Variants in SEPTIN6 observed in about 807,000 individuals in gnomAD.
SEPTIN6 encodes the protein septin 6.
Under a neutral mutation model 33.6 loss-of-function variants are expected in SEPTIN6, and 8 were observed. The ratio of observed to expected loss-of-function variants is 0.24; its 90% CI spans 0.14 to 0.43. SEPTIN6 has a LOEUF of 0.43. Among genes scored for constraint, SEPTIN6 ranks in the 20% least tolerant of loss-of-function variants. SEPTIN6 has a pLI of 1.00. For synonymous variants in SEPTIN6, 131 were observed against 140.0 expected (o/e 0.94, Z 0.45); for missense variants, 250 against 340.8 (o/e 0.73, Z 2.10).
At chrX:119,629,927 C>A (rs1450686792) in intron 8 of SEPTIN6, among the ~76,000 whole-genome samples, 1 of 111,340 alleles carries the variant, frequency 9.0e-6, no homozygotes, top group Non-Finnish European at 1.9e-5. Flanking sequence ...CGACACCAGC[C>A]TGGCCAACAT....
chrX:119,640,742 A>G lies in SEPTIN6; in HGVS notation c.737T>C (p.Ile246Thr), dbSNP rs776067307. The G allele has an allele frequency of 8.3e-7, 1 of 1,211,349 alleles. No individual in the cohort carries two copies. The highest frequency in any genetic ancestry group is 1.8e-5 in the South Asian group (1 of 56,968). ...CCGCGCCCTCATCATCTTGTTGCCT[A>G]TCTTCAGTTCTTCTGTGCTGCCAAT... ...AVIGSTEELK[I>T]GNKMMRARQY... The change falls in exon 6 of 11, where the codon ATA becomes ACA. Residue 246 changes from isoleucine to threonine, a missense_variant. This residue lies in a region of SEPTIN6 where 139 missense variants were observed against 227.0 expected (regional missense o/e 0.61). Transcript: ENST00000394610.
chrX:119,632,990 T>C (rs1027074330), intron 8 of SEPTIN6, among the ~76,000 whole-genome samples: 1 of 112,852 alleles, frequency 8.9e-6, no homozygotes, highest in Non-Finnish European at 1.9e-5. Flanking sequence ...GCTCCACTCA[T>C]GTCCTTCTAA....
downstream of SEPTIN6, chrX:119,616,753 GAGAGAA>G (rs1569415211): frequency 1.7e-6 from 2 of 1,184,779 alleles, no homozygotes; most frequent in Admixed American, 2.2e-5. Context: ...CTGGAAAGGA[GAGAGAA>G]AGAGAAAGAA....
intron 2 of SEPTIN6, among the ~76,000 whole-genome samples, chrX:119,670,578 AAGAAG>A (rs2054727637): frequency 1.5e-5 from 1 of 65,029 alleles, no homozygotes; most frequent in African/African-American, 5.4e-5. Flanking sequence ...AAAAAAAAAA[AAGAAG>A]AAGAAGAAGA....
intron 1 of SEPTIN6, among the ~76,000 whole-genome samples, chrX:119,685,276 T>C (rs1417549729): frequency 9.0e-6 from 1 of 110,581 alleles, no homozygotes; most frequent in Non-Finnish European, 1.9e-5. Context: ...GGACAGGCAA[T>C]ATCTGAAGGG....
intron 1 of SEPTIN6, among the ~76,000 whole-genome samples, chrX:119,688,576 G>A (rs12011037): frequency 0.11 from 11,881 of 109,039 alleles, 1,627 homozygotes; most frequent in African/African-American, 0.37. Context: ...GCACGGTGGT[G>A]CACACCTGTA....
Position 119,639,699 on chromosome X carries a change from T to C in SEPTIN6, c.787+993A>G, listed in dbSNP as rs746780339. Among the ~76,000 whole-genome samples the C allele has an allele frequency of 1.4e-3, 155 of 111,893 alleles. 1 individual carries two copies. Among genetic ancestry groups the C allele is most frequent in the African/African-American group, 4.8e-3 (149 of 30,791 alleles). On this transcript the variant is annotated intron_variant, in intron 6 of 10. Transcript: ENST00000394610. ...TCCTGACTTTGGGGATTATCATTCCTTTGTTTTTCTTTATAGTTTTACCTC... is the reference window on the plus strand; with the variant it reads ...TCCTGACTTTGGGGATTATCATTCCCTTGTTTTTCTTTATAGTTTTACCTC...
At chrX:119,675,380 T>G (rs918245864) in intron 2 of SEPTIN6, among the ~76,000 whole-genome samples, 174 bp downstream of exon 2, 1 of 110,723 alleles carries the variant, frequency 9.0e-6, no homozygotes, top group Non-Finnish European at 1.9e-5. Context: ...GGGAAAAAAG[T>G]AATTACAGCC....
chrX:119,668,896 A>G (rs933881051), intron 2 of SEPTIN6, among the ~76,000 whole-genome samples: 2 of 111,470 alleles, frequency 1.8e-5, no homozygotes, highest in African/African-American at 3.3e-5. Flanking sequence ...TGAGCAGTAT[A>G]CACTGAACCC....
At chrX:119,647,483 CTT>C (rs61037430) in intron 5 of SEPTIN6, among the ~76,000 whole-genome samples, 2 of 74,376 alleles carry the variant, frequency 2.7e-5, no homozygotes, top group Non-Finnish European at 4.7e-5. Flanking sequence ...TTCTCTCTCT[CTT>C]TTTTTTTTTT....
intron 1 of SEPTIN6, among the ~76,000 whole-genome samples, chrX:119,685,662 A>G (rs1301807434): frequency 9.0e-6 from 1 of 111,278 alleles, no homozygotes; most frequent in Non-Finnish European, 1.9e-5. Flanking sequence ...TCTCAAATGG[A>G]AAAGCTGACT....
chrX:119,638,890 C>T (rs1336813248), intron 6 of SEPTIN6, among the ~76,000 whole-genome samples: 1 of 112,271 alleles, frequency 8.9e-6, no homozygotes, highest in Non-Finnish European at 1.9e-5. Context: ...ACAAGAAAAA[C>T]TTTCAAAACC....
At chrX:119,683,813 A>G (rs1386638080) in intron 1 of SEPTIN6, among the ~76,000 whole-genome samples, 3 of 112,039 alleles carry the variant, frequency 2.7e-5, no homozygotes, top group Non-Finnish European at 5.6e-5. Flanking sequence ...ATATTGAACT[A>G]CAACCAAAAA....
chrX:119,676,130 G>A (rs1231460737), intron 1 of SEPTIN6, among the ~76,000 whole-genome samples: 1 of 112,050 alleles, frequency 8.9e-6, no homozygotes, highest in Non-Finnish European at 1.9e-5. Context: ...CTTAGTATAT[G>A]CAGAAGTATT....
In SEPTIN6 at chrX:119,652,273, C is replaced by G. The variant is rs147054762; in HGVS notation, c.528+581G>C. 4.9e-3 allele frequency among the ~76,000 whole-genome samples: 539 copies of G among 110,960 alleles called. 5 individuals are homozygous for G. The highest frequency in any genetic ancestry group is 0.017 in the African/African-American group (523 of 30,537). On this transcript the variant is annotated intron_variant, in intron 4 of 10. Coordinates refer to ENST00000394610, the MANE Select transcript of SEPTIN6 (RefSeq NM_145799.4). ...GCCTGATTCCCACAGCCATCTTTCT[C>G]GGGCATGGAAGCATTATAACATGGG...
chrX:119,632,487 C>A (rs769206967), intron 8 of SEPTIN6, among the ~76,000 whole-genome samples: 9 of 107,922 alleles, frequency 8.3e-5, no homozygotes, highest in African/African-American at 3.0e-4. Context: ...TGAGCCACCG[C>A]GCCCAGCCAA....
intron 4 of SEPTIN6, among the ~76,000 whole-genome samples, chrX:119,652,214 G>A (rs759654167): frequency 5.4e-5 from 6 of 111,507 alleles, no homozygotes; most frequent in Admixed American, 2.8e-4. Flanking sequence ...GTGAGCCACC[G>A]CACCCAGCCA....
At chrX:119,620,612 C>T (rs2053738841) in intron 10 of SEPTIN6, among the ~76,000 whole-genome samples, 1 of 108,813 alleles carries the variant, frequency 9.2e-6, no homozygotes, top group Non-Finnish European at 1.9e-5. Context: ...AGCCACTGCA[C>T]CCGGCTCTTT....
Position 119,649,964 on chromosome X carries a change from C to A in SEPTIN6, c.663G>T (p.Ser221=), listed in dbSNP as rs761312773. The stretch of plus-strand genomic sequence containing the variant: ...TCATGGTTCCATTGATCTCTGCCAC[C>A]GACTCATCATCTGTAGGAAACTGAT... The part of the protein sequence containing the change: ...QIYQFPTDDE[S]VAEINGTMNA... The change falls in exon 5 of 11, where the codon TCG becomes TCT. Residue 221 remains serine, a synonymous_variant. Coordinates refer to ENST00000394610, the MANE Select transcript of SEPTIN6 (RefSeq NM_145799.4). 3.2e-5 allele frequency: 39 copies of A among 1,209,669 alleles called. No individual in the cohort carries two copies. The East Asian group carries it at 1.2e-3, about 36-fold the overall frequency.
Sources: gnomAD v4.1 joint callset for allele counts (sites outside exome capture counted in the v4.1 genomes callset) on GRCh38, gnomAD v4.1.1 for gene constraint, gnomAD v4.1.1 regional missense constraint, MANE v1.5 for transcripts, NCBI Gene and HGNC (gene_info 2026-07-23, HGNC 2026-07-21) for gene names.